PTCH1: variants seen among roughly 807,000 people sequenced by gnomAD.
The protein encoded by PTCH1 is protein patched homolog 1.
Under a neutral mutation model 144.6 loss-of-function variants are expected in PTCH1, and 14 were observed. The ratio of observed to expected loss-of-function variants is 0.10; its 90% CI spans 0.06 to 0.15. The LOEUF is 0.15. Among genes scored for constraint, PTCH1 ranks in the 10% least tolerant of loss-of-function variants. PTCH1 has a pLI of 1.00. For missense variants in PTCH1, 1,623 were observed against 1,948.3 expected, an observed-to-expected ratio of 0.83 and a Z score of 3.14; for synonymous variants, 833 against 793.6, an observed-to-expected ratio of 1.05 and a Z score of -0.83.
intron 12 of PTCH1, among the ~76,000 whole-genome samples, chr9:95,475,172 C>G (rs900355109): frequency 2.0e-5 from 3 of 152,182 alleles, no homozygotes; most frequent in African/African-American, 4.8e-5. Context: ...AGGGCAACGT[C>G]AGTAATTTAC....
intron 2 of PTCH1, among the ~76,000 whole-genome samples, chr9:95,505,853 C>G (rs1843542724): frequency 6.7e-6 from 1 of 149,654 alleles, no homozygotes; most frequent in South Asian, 2.1e-4. Flanking sequence ...GGACCACACA[C>G]GCCGCCGCCT....
In PTCH1 at chr9:95,449,204, C is replaced by T. The variant is rs780515178; in HGVS notation, c.3669G>A (p.Ser1223=). 3.0e-5 allele frequency: 48 copies of T among 1,605,998 alleles called. No homozygotes were observed. Among genetic ancestry groups the T allele is most frequent in the African/African-American group, 1.5e-4 (11 of 74,860 alleles). The change falls in exon 22 of 24, where the codon TCG becomes TCA. Residue 1223 remains serine, a synonymous_variant. Transcript: ENST00000331920. This position sits in a 1 kb window ranked among gnomAD's most constrained non-coding sequence, Gnocchi z 5.3. ...ACACTGTCGTCTGGGAACTATACTC[C>T]GAGTCGGAGGAATCAGACCCGCTGT... ...HTHSGSDSSD[S]EYSSQTTVSG...
Position 95,456,289 on chromosome 9 carries a change from A to G in PTCH1, c.3293T>C (p.Val1098Ala), listed in dbSNP as rs1291842090. 2.4e-5 allele frequency: 38 copies of G among 1,613,788 alleles called. No individual in the cohort carries two copies. Among genetic ancestry groups the G allele is most frequent in the Non-Finnish European group, 3.2e-5 (38 of 1,180,036 alleles). The change falls in exon 19 of 24, where the codon GTT becomes GCT. Residue 1098 changes from valine to alanine, a missense_variant. Physicochemically the swap from Val to Ala is moderately conservative, Grantham distance 64 (BLOSUM62 0). This residue lies in a region of PTCH1 where 504 missense variants were observed against 679.3 expected (regional missense o/e 0.74). Coordinates refer to ENST00000331920, the MANE Select transcript of PTCH1 (RefSeq NM_000264.5). Reference sequence around the variant, plus strand: ...TGTCTCCCATACCAAAGCAACGTGAACGGTGAACTCCACTCCTATGCCAAC... The same window carrying G: ...TGTCTCCCATACCAAAGCAACGTGAGCGGTGAACTCCACTCCTATGCCAAC... ...ASVGIGVEFT[V>A]HVALAFLTAI...
rs1040729718 is a variant in PTCH1, at chr9:95,458,093, G to C, written c.3088C>G (p.Leu1030Val). ...QYIGLRHWLL[L>V]FISVVLACTF... is the part of the protein sequence containing the mutation. ...CAGGCCAACACCACGCTGATGAACA[G>C]CAGCAGCCAGTGGCGGAGGCCGATG... Residue 1030 changes from leucine (L) to valine (V), a missense_variant, in exon 18 of 24, where the codon CTG (leucine) becomes GTG (valine). By Grantham distance (32) the Leu-to-Val change is conservative. Transcript: ENST00000331920. The surrounding 1 kb of genome is among the most constrained non-coding windows in gnomAD (Gnocchi z 4.7). 6.2e-7 allele frequency: 1 copy of C among 1,614,104 alleles called. No individual in the cohort carries two copies. Among genetic ancestry groups the C allele is most frequent in the African/African-American group, 1.3e-5 (1 of 74,954 alleles).
At chr9:95,516,544 T>C in exon 1 of PTCH1, 2 of 1,540,862 alleles carry the variant, frequency 1.3e-6, no homozygotes, top group Non-Finnish European at 1.7e-6. Context: ...TCACATCAAT[T>C]CCTTTTTTTT....
At chr9:95,468,228 G>A (rs773141912) in intron 14 of PTCH1, among the ~76,000 whole-genome samples, 19 of 152,200 alleles carry the variant, frequency 1.2e-4, no homozygotes, top group Non-Finnish European at 2.8e-4. Flanking sequence ...CCATGCCCAG[G>A]CAATTTTTTG....
At position 95,476,886 on chromosome 9, in the gene PTCH1, T is replaced by TA. The variant is rs1841085661; in HGVS notation, c.1504-30dup. 8.1e-6 allele frequency: 13 copies of TA among 1,595,778 alleles called. No individual in the cohort carries two copies. The highest frequency in any genetic ancestry group is 9.4e-6 in the Non-Finnish European group (11 of 1,165,016). ...CAGCAAAAACAGAGGATGGTGGCAT[T>TA]AGACATGCGAGATGCAATTCAGATG... is the stretch of plus-strand genomic sequence containing the variant. On this transcript the variant is annotated intron_variant, in intron 10 of 23. Coordinates refer to ENST00000331920, the MANE Select transcript of PTCH1 (RefSeq NM_000264.5). The surrounding 1 kb of genome is among the most constrained non-coding windows in gnomAD (Gnocchi z 4.6).
intron 2 of PTCH1, among the ~76,000 whole-genome samples, chr9:95,506,059 G>A (rs1024074593): frequency 4.9e-4 from 72 of 147,956 alleles, no homozygotes; most frequent in Admixed American, 1.2e-3. Flanking sequence ...GCCAGCCCCG[G>A]GGCGCCTCTC....
intron 17 of PTCH1, among the ~76,000 whole-genome samples, chr9:95,459,348 C>A (rs1053190631): frequency 6.6e-6 from 1 of 152,204 alleles, no homozygotes; most frequent in African/African-American, 2.4e-5. Flanking sequence ...GTGAGAGCAA[C>A]GCCTAATGAA....
In PTCH1 at chr9:95,458,076, C is replaced by T. The variant is rs2136660293; in HGVS notation, c.3105G>A (p.Val1035=). Residue 1035 remains valine (V), a synonymous_variant, in exon 18 of 24, where the codon GTG becomes GTA. Coordinates refer to ENST00000331920, the MANE Select transcript of PTCH1 (RefSeq NM_000264.5). The surrounding 1 kb of genome is among the most constrained non-coding windows in gnomAD (Gnocchi z 4.7). ...RHWLLLFISV[V]LACTFLVCAV... ...CGCACACGAGGAATGTGCAGGCCAA[C>T]ACCACGCTGATGAACAGCAGCAGCC... The T allele has an allele frequency of 1.2e-6, 2 of 1,614,236 alleles. No homozygotes were observed. Among genetic ancestry groups the T allele is most frequent in the East Asian group, 4.5e-5 (2 of 44,890 alleles).
At chr9:95,467,562 T>G (rs1394797226) in intron 14 of PTCH1, 137 bp from the exon 15 acceptor site, 1 of 843,504 alleles carries the variant, frequency 1.2e-6, no homozygotes, top group Non-Finnish European at 1.9e-6. Flanking sequence ...TGTTCTCCCA[T>G]AGGAAAAAGG....
intron 2 of PTCH1, chr9:95,506,190 A>C: frequency 2.2e-6 from 1 of 448,052 alleles, no homozygotes; most frequent in Non-Finnish European, 3.8e-6. Context: ...CTCCCACCAC[A>C]CCTCGGCCGG....
Position 95,471,827 on chromosome 9 carries a change from G to A in PTCH1, c.1729-1896C>T, listed in dbSNP as rs545182015. ...GGCCGAGGCGGGCAGATCACCTGAG[G>A]TTGGAGTTCGAGACCAGCCTGACCA... On this transcript the variant is annotated intron_variant, in intron 12 of 23. Transcript: ENST00000331920. Among the ~76,000 whole-genome samples, 5 of 152,314 alleles carry A rather than the reference G, an allele frequency of 3.3e-5. No homozygotes were observed. In the East Asian group the frequency reaches 7.7e-4, roughly 24 times the overall value.
rs2118051663 is a variant in PTCH1 at position 95,469,055 on chromosome 9, C to T, written c.1946G>A (p.Ser649Asn). ...YSPPPPYSSHSFAHETQITMQ... is the reference protein window; with the variant it reads ...YSPPPPYSSHNFAHETQITMQ... ...GGTAATCTGCGTTTCATGGGCAAAG[C>T]TGTGGCTGCTGTAGGGAGGTGGGGG... is the stretch of plus-strand genomic sequence containing the variant. Residue 649 changes from serine to asparagine, a missense_variant, in exon 14 of 24, where the codon AGC becomes AAC. Physicochemically the swap from Ser to Asn is conservative, Grantham distance 46. Coordinates refer to ENST00000331920, the MANE Select transcript of PTCH1 (RefSeq NM_000264.5). 1 of 1,614,038 alleles carries T rather than the reference C, an allele frequency of 6.2e-7. No homozygotes were observed. Among genetic ancestry groups the T allele is most frequent in the Non-Finnish European group, 8.5e-7 (1 of 1,180,026 alleles).
intron 19 of PTCH1, 118 bp from the exon 20 acceptor site, chr9:95,453,738 A>ACTCT: frequency 7.2e-7 from 1 of 1,391,512 alleles, no homozygotes; most frequent in Non-Finnish European, 9.9e-7. Flanking sequence ...TTTAGTTGCT[A>ACTCT]GAATGTGTAA....
intron 22 of PTCH1, among the ~76,000 whole-genome samples, chr9:95,448,314 T>G (rs1264385655): frequency 6.6e-6 from 1 of 152,204 alleles, no homozygotes; most frequent in African/African-American, 2.4e-5. Flanking sequence ...GGCCTGGGAC[T>G]GGAATACCCA....
upstream of PTCH1, among the ~76,000 whole-genome samples, chr9:95,512,527 C>T (rs139391785): frequency 6.6e-5 from 10 of 152,358 alleles, no homozygotes; most frequent in East Asian, 1.9e-3. Context: ...GTGGTCAGGG[C>T]TGAGGCTGCC....
In PTCH1 at chr9:95,458,988, G is replaced by T. The variant is rs1054985925; in HGVS notation, c.2887+612C>A. Among the ~76,000 whole-genome samples the T allele has an allele frequency of 6.6e-6, 1 of 152,144 alleles. No individual in the cohort carries two copies. Among genetic ancestry groups the T allele is most frequent in the African/African-American group, 2.4e-5 (1 of 41,458 alleles). ...TCCAGCCATGTTTGCAAGGGGACCC[G>T]TCTTCTTTCTCACATCCTCCCTTGG... is the stretch of plus-strand genomic sequence containing the variant. On this transcript the variant is annotated intron_variant, in intron 17 of 23. Transcript: ENST00000331920. This position sits in a 1 kb window ranked among gnomAD's most constrained non-coding sequence, Gnocchi z 4.7.
chr9:95,516,381 T>TCCCGCGTC, intron 1 of PTCH1: 2 of 1,062,416 alleles, frequency 1.9e-6, no homozygotes, highest in Non-Finnish European at 2.4e-6. Flanking sequence ...GCGCGGGGCG[T>TCCCGCGTC]CCCGCGTCCC....
Sources: allele counts gnomAD v4.1 joint callset (sites outside exome capture counted in the v4.1 genomes callset), GRCh38; gene constraint gnomAD v4.1.1; regional missense constraint gnomAD v4.1.1; non-coding constraint Gnocchi (gnomAD v3.1); transcripts MANE v1.5; gene names NCBI Gene and HGNC (gene_info 2026-07-23, HGNC 2026-07-21).